AGBL1: variants seen among roughly 807,000 people sequenced by gnomAD.
AGBL1 encodes the protein cytosolic carboxypeptidase 4.
A neutral mutation model predicts 118.9 loss-of-function variants in AGBL1; 130 were observed. The ratio of observed to expected loss-of-function variants is 1.09; its 90% CI spans 0.95 to 1.26. AGBL1 has a LOEUF of 1.26. Among genes scored for constraint, AGBL1 ranks in the 50% most tolerant of loss-of-function variants. The pLI is 0.00. For synonymous variants in AGBL1, 555 were observed against 478.9 expected (o/e 1.16, Z -2.08); for missense variants, 1,584 against 1,298.1 (o/e 1.22, Z -3.38).
chr15:86,214,059 T>C (rs1225190393), intron 5 of AGBL1, among the ~76,000 whole-genome samples: 7 of 152,248 alleles, frequency 4.6e-5, no homozygotes, highest in African/African-American at 1.7e-4. Flanking sequence ...AAATGCTAGT[T>C]GCATTCATGC....
At position 87,017,008 on chromosome 15, in the gene AGBL1, G is replaced by A. The variant is rs1276144914; in HGVS notation, c.3324-11817G>A. On this transcript the variant is annotated intron_variant, in intron 24 of 24. Coordinates refer to the AGBL1 transcript ENST00000441037. ...AGATCTGTCCCTACATCCCCTAAGA[G>A]GGGAGCTAAATCCAGGGAGCTGAGC... is the stretch of plus-strand genomic sequence containing the variant. 3.9e-5 allele frequency among the ~76,000 whole-genome samples: 6 copies of A among 152,110 alleles called. No individual in the cohort carries two copies. In the East Asian group the frequency reaches 1.2e-3, roughly 30 times the overall value.
At chr15:86,555,669 A>C (rs2083723550) in intron 21 of AGBL1, among the ~76,000 whole-genome samples, 1 of 152,158 alleles carries the variant, frequency 6.6e-6, no homozygotes, top group Non-Finnish European at 1.5e-5. Flanking sequence ...TCATTGGATG[A>C]GTCTGAGATT....
At chr15:86,666,244 G>C (rs1212888584) in intron 21 of AGBL1, among the ~76,000 whole-genome samples, 1 of 151,634 alleles carries the variant, frequency 6.6e-6, no homozygotes, top group African/African-American at 2.4e-5. Context: ...ATAACCCTTG[G>C]GATATTTATT....
At chr15:86,855,124 A>G (rs1394382948) in intron 22 of AGBL1, among the ~76,000 whole-genome samples, 1 of 152,202 alleles carries the variant, frequency 6.6e-6, no homozygotes, top group East Asian at 1.9e-4. Context: ...CATTTTTACC[A>G]GTTTTCCCAA....
intron 6 of AGBL1, among the ~76,000 whole-genome samples, chr15:86,237,361 A>G (rs2078569014): frequency 6.6e-6 from 1 of 152,278 alleles, no homozygotes; most frequent in South Asian, 2.1e-4. Flanking sequence ...GCAGGGCAGA[A>G]TTGCTTTCCT....
intron 22 of AGBL1, among the ~76,000 whole-genome samples, chr15:86,776,852 T>A (rs565446695): frequency 6.6e-6 from 1 of 151,712 alleles, no homozygotes; most frequent in Admixed American, 6.6e-5. Flanking sequence ...AAATCAACTT[T>A]TAGACACGGG....
chr15:86,182,493 G>A (rs1396952478), intron 5 of AGBL1, among the ~76,000 whole-genome samples: 1 of 151,896 alleles, frequency 6.6e-6, no homozygotes, highest in Non-Finnish European at 1.5e-5. Flanking sequence ...TCTCATGACA[G>A]CTTTGGTCTA....
rs113006367 is a variant in AGBL1, at chr15:86,912,687, C to T, written c.*5393C>T. The T allele has an allele frequency of 0.022, 3,322 of 152,350 alleles. 73 individuals carry two copies. The highest frequency in any genetic ancestry group is 0.062 in the Admixed American group (956 of 15,304). The allele number at this position is 152,350 out of a possible 1,614,324, so 9.4% of individuals were successfully genotyped here. A position where few individuals can be genotyped will look rare whatever the true frequency, so the allele number is the denominator to read the frequency against. On this transcript the variant is annotated 3_prime_UTR_variant, in exon 23 of 23. Coordinates refer to ENST00000614907, the MANE Select transcript of AGBL1 (RefSeq NM_001386094.1). ...TCATATGCTAAGGGCAGCCTCTGCC[C>T]TATGCCAAGAGAAGGAGCTCCCAGG...
intron 17 of AGBL1, among the ~76,000 whole-genome samples, chr15:86,335,144 T>A (rs997402751): frequency 6.6e-6 from 1 of 150,716 alleles, no homozygotes; most frequent in African/African-American, 2.4e-5. Flanking sequence ...TTAAGTTATT[T>A]TTTTTTTTTT....
intron 17 of AGBL1, among the ~76,000 whole-genome samples, chr15:86,355,708 G>A (rs963832600): frequency 8.5e-5 from 13 of 152,184 alleles, no homozygotes; most frequent in Admixed American, 2.0e-4. Context: ...TGGTCCTGCT[G>A]AAACACTGAG....
intron 22 of AGBL1, among the ~76,000 whole-genome samples, chr15:86,753,525 G>A (rs2077887606): frequency 6.6e-6 from 1 of 150,866 alleles, no homozygotes; most frequent in South Asian, 2.1e-4. Context: ...AGCTTGCTGA[G>A]TTGCTAGGAT....
At chr15:86,555,397 T>C (rs2083720068) in intron 21 of AGBL1, among the ~76,000 whole-genome samples, 1 of 152,178 alleles carries the variant, frequency 6.6e-6, no homozygotes, top group East Asian at 1.9e-4. Flanking sequence ...TATGCAATCC[T>C]GAGCTTGTAG....
intron 22 of AGBL1, among the ~76,000 whole-genome samples, chr15:86,830,518 T>C (rs939463755): frequency 6.6e-6 from 1 of 152,112 alleles, no homozygotes; most frequent in East Asian, 1.9e-4. Context: ...ATCCCTGTGT[T>C]GGTGCAATCA....
At chr15:86,950,043 CAG>C (rs1394236683) in intron 23 of AGBL1, among the ~76,000 whole-genome samples, 7 of 151,850 alleles carry the variant, frequency 4.6e-5, no homozygotes, top group East Asian at 1.9e-4. Flanking sequence ...GTAAATAAGA[CAG>C]GGGTGAAATA....
chr15:86,846,772 T>C (rs954889362), intron 22 of AGBL1, among the ~76,000 whole-genome samples: 31 of 152,204 alleles, frequency 2.0e-4, no homozygotes, highest in African/African-American at 7.5e-4. Flanking sequence ...CCTCAAGTGA[T>C]CCACCCGCCT....
chr15:86,678,782 G>A (rs1296311658), intron 22 of AGBL1, among the ~76,000 whole-genome samples: 1 of 152,060 alleles, frequency 6.6e-6, no homozygotes, highest in Non-Finnish European at 1.5e-5. Flanking sequence ...TAGTTTTATA[G>A]TGAGTATATT....
chr15:86,599,950 A>G (rs1326638999), intron 21 of AGBL1, among the ~76,000 whole-genome samples: 2 of 152,144 alleles, frequency 1.3e-5, no homozygotes, highest in South Asian at 2.1e-4. Flanking sequence ...TATTGAAAAC[A>G]AAACTTATTA....
chr15:86,861,002 T>C (rs1451813671), intron 22 of AGBL1, among the ~76,000 whole-genome samples: 1 of 152,022 alleles, frequency 6.6e-6, no homozygotes, highest in Non-Finnish European at 1.5e-5. Flanking sequence ...CTGCCCTAGA[T>C]CAATGCAGTT....
intron 17 of AGBL1, among the ~76,000 whole-genome samples, chr15:86,353,072 C>T (rs191808502): frequency 6.6e-6 from 1 of 152,204 alleles, no homozygotes; most frequent in African/African-American, 2.4e-5. Context: ...ATATGAAACT[C>T]AGGAGGATGG....
Sources: gnomAD v4.1 joint callset for allele counts (sites outside exome capture counted in the v4.1 genomes callset) on GRCh38, gnomAD v4.1.1 for gene constraint, MANE v1.5 for transcripts, NCBI Gene and HGNC (gene_info 2026-07-23, HGNC 2026-07-21) for gene names.